The following FLCN variants were observed in gnomAD, a reference collection of about 807,000 sequenced individuals.
FLCN encodes BHD skin lesion fibrofolliculoma protein.
Under a neutral mutation model 62.5 loss-of-function variants are expected in FLCN, and 22 were observed. That is an observed-to-expected ratio of 0.35 (90% confidence interval 0.25 to 0.50). FLCN has a LOEUF of 0.50. Among genes scored for constraint, FLCN ranks in the 20% least tolerant of loss-of-function variants. The pLI, the probability that FLCN is intolerant of heterozygous loss-of-function variation, is 0.97. For missense variants in FLCN, 657 were observed against 778.0 expected (o/e 0.84, Z 1.85); for synonymous variants, 319 against 310.0 (o/e 1.03, Z -0.30).
At chr17:17,229,971 G>A (rs764509621) in intron 3 of FLCN, among the ~76,000 whole-genome samples, 5 of 152,322 alleles carry the variant, frequency 3.3e-5, no homozygotes, top group African/African-American at 7.2e-5. Flanking sequence ...AGGGATGGCC[G>A]CGGCAGCATG....
Position 17,215,224 on chromosome 17 carries a change from A to AC in FLCN, c.1392dup (p.Phe465ValfsTer21). 2 of 1,613,956 alleles carry AC rather than the reference A, an allele frequency of 1.2e-6. No individual in the cohort carries two copies. Among genetic ancestry groups the AC allele is most frequent in the Non-Finnish European group, 1.7e-6 (2 of 1,179,986 alleles). Reference sequence around the variant, plus strand: ...ACAGGGCTCCCACTGGTCACCACAAACTCGTACTTGCTGAGAGACTGGTCA... The same window carrying AC: ...ACAGGGCTCCCACTGGTCACCACAAACCTCGTACTTGCTGAGAGACTGGTCA... On this transcript the variant is annotated frameshift_variant, in exon 12 of 14. Transcript: ENST00000285071. LOFTEE classifies it high-confidence loss of function.
At chr17:17,224,168 C>T in intron 5 of FLCN, 25 bp from the exon 6 acceptor site, 1 of 1,553,144 alleles carries the variant, frequency 6.4e-7, no homozygotes, top group South Asian at 1.2e-5. Context: ...GCGACTCAGA[C>T]AGCCCTTTCC....
At chr17:17,221,423 G>A (rs1468052130) in intron 8 of FLCN, 114 bp downstream of exon 8, 2 of 1,613,852 alleles carry the variant, frequency 1.2e-6, no homozygotes, top group African/African-American at 1.3e-5. Context: ...CTCGTTCTGG[G>A]CTGATTCAGA....
In FLCN at chr17:17,213,400, G is replaced by C. The variant is rs564245440; in HGVS notation, c.*255C>G. 6.3e-4 allele frequency: 370 copies of C among 589,122 alleles called. 3 individuals carry two copies. The South Asian group carries it at 6.3e-3, about 10-fold the overall frequency. 36.5% of individuals were successfully genotyped at this position (589,122 alleles called of 1,614,324 possible). A position where few individuals can be genotyped will look rare whatever the true frequency, so the allele number is the denominator to read the frequency against. ...GTCCTCCTAGTCGTCTCTCCAAGGA[G>C]TTTGAACACAGAGAGAGCCCATCAT... On this transcript the variant is annotated 3_prime_UTR_variant, in exon 14 of 14. Transcript: ENST00000285071.
intron 9 of FLCN, chr17:17,217,661 GGCT>G (rs1567811322): frequency 3.5e-6 from 1 of 286,320 alleles, no homozygotes; most frequent in Non-Finnish European, 6.8e-6. Context: ...CCTGCTTGAC[GGCT>G]GCTGTTCTTT....
Position 17,213,510 on chromosome 17 carries a change from G to T in FLCN, c.*145C>A. The T allele has an allele frequency of 8.9e-7, 1 of 1,121,400 alleles. No individual in the cohort carries two copies. The allele number at this position is 1,121,400 out of a possible 1,614,324, so 69.5% of individuals were successfully genotyped here. On this transcript the variant is annotated 3_prime_UTR_variant, in exon 14 of 14. Coordinates refer to ENST00000285071, the MANE Select transcript of FLCN (RefSeq NM_144997.7). ...GCACACAGGCCCCAAACCTGACAGG[G>T]CCGAGCCCAGCCCTGATGGTTTCCC...
At chr17:17,235,822 C>T (rs1368956372) in intron 1 of FLCN, 1 of 152,216 alleles carries the variant, frequency 6.6e-6, no homozygotes. Context: ...CTGTTTCCAA[C>T]AAGCTTTCCA....
chr17:17,221,607 G>A lies in FLCN; in HGVS notation c.801C>T (p.Ser267=), dbSNP rs765807221. The A allele has an allele frequency of 6.2e-7, 1 of 1,608,540 alleles. No homozygotes were observed. Among genetic ancestry groups the A allele is most frequent in the South Asian group, 1.1e-5 (1 of 91,076 alleles). Residue 267 remains serine (S), a synonymous_variant, in exon 8 of 14, where the codon AGC becomes AGT. Transcript: ENST00000285071. ...SFAWLLKACG[S]RLTEKLLEGA... is the part of the protein sequence containing the mutation. ...CTTCCAGGAGCTTCTCGGTCAGCCG[G>A]CTGCCACACGCCTTCAGGAGCCTGG...
intron 2 of FLCN, among the ~76,000 whole-genome samples, 183 bp from the exon 3 acceptor site, chr17:17,232,065 C>T (rs1003755189): frequency 3.3e-5 from 5 of 152,144 alleles, no homozygotes; most frequent in Admixed American, 6.5e-5. Flanking sequence ...AGGAAACATA[C>T]GCATTTAACA....
intron 5 of FLCN, 43 bp downstream of exon 5, chr17:17,226,133 T>C (rs746881073): frequency 1.9e-6 from 3 of 1,613,410 alleles, no homozygotes; most frequent in South Asian, 2.2e-5. Context: ...CCTGGGAGCA[T>C]GTGGGCTCCC....
At chr17:17,224,233 G>T in intron 5 of FLCN, 90 bp from the exon 6 acceptor site, 1 of 1,193,150 alleles carries the variant, frequency 8.4e-7, no homozygotes, top group Non-Finnish European at 1.2e-6. Flanking sequence ...GAGTCAGCTG[G>T]CACAAATCAG....
chr17:17,221,424 C>G, intron 8 of FLCN, 113 bp downstream of exon 8: 4 of 1,613,972 alleles, frequency 2.5e-6, no homozygotes, highest in Non-Finnish European at 3.4e-6. Flanking sequence ...TCGTTCTGGG[C>G]TGATTCAGAG....
At chr17:17,227,807 C>G in intron 4 of FLCN, 82 bp downstream of exon 4, 1 of 1,597,684 alleles carries the variant, frequency 6.3e-7, no homozygotes, top group South Asian at 1.1e-5. Context: ...CCCCGGGAGG[C>G]CCCGTCCACT....
Position 17,226,247 on chromosome 17 carries a change from G to A in FLCN, c.325C>T (p.His109Tyr), listed in dbSNP as rs2047244929. The change falls in exon 5 of 14, where the codon CAC becomes TAC. Residue 109 changes from histidine to tyrosine, a missense_variant. Transcript: ENST00000285071. ...DKETSIKYVSHQHPSHPQLFS... is the reference protein window; with the variant it reads ...DKETSIKYVSYQHPSHPQLFS... ...AGCTGGGGGTGGCTGGGGTGCTGGT[G>A]GCTGACGTATTTAATGGAGGTCTCT... The A allele has an allele frequency of 6.2e-7, 1 of 1,614,164 alleles. No individual in the cohort carries two copies. Among genetic ancestry groups the A allele is most frequent in the South Asian group, 1.1e-5 (1 of 91,090 alleles).
intron 2 of FLCN, among the ~76,000 whole-genome samples, chr17:17,232,275 C>T (rs1351489213): frequency 1.3e-5 from 2 of 152,208 alleles, no homozygotes; most frequent in Admixed American, 6.5e-5. Context: ...CCCTCCACCC[C>T]GACACCCTCC....
intron 8 of FLCN, chr17:17,220,333 T>G (rs1347098805): frequency 6.6e-6 from 1 of 152,318 alleles, no homozygotes; most frequent in African/African-American, 2.4e-5. Context: ...CGTGCACCAG[T>G]GCCTGACTTC....
At chr17:17,224,841 C>T (rs1350974975) in intron 5 of FLCN, 1 of 155,974 alleles carries the variant, frequency 6.4e-6, no homozygotes, top group African/African-American at 2.4e-5. Context: ...CCCAGCCCCA[C>T]GTACTTTATT....
At chr17:17,214,541 C>T (rs2046850402) in intron 13 of FLCN, among the ~76,000 whole-genome samples, 2 of 151,952 alleles carry the variant, frequency 1.3e-5, no homozygotes, top group Admixed American at 1.3e-4. Flanking sequence ...TTGTGGTGAG[C>T]CAAGATCATG....
chr17:17,224,807 G>A, intron 5 of FLCN: 1 of 157,958 alleles, frequency 6.3e-6, no homozygotes, highest in Non-Finnish European at 1.4e-5. Context: ...CAAAGGGCTG[G>A]GATTACAGGA....
Sources: gnomAD v4.1 joint callset for allele counts (sites outside exome capture counted in the v4.1 genomes callset) on GRCh38, gnomAD v4.1.1 for gene constraint, MANE v1.5 for transcripts, NCBI Gene and HGNC (gene_info 2026-07-23, HGNC 2026-07-21) for gene names.